The following ADGRB3 variants were observed in gnomAD, a reference collection of about 807,000 sequenced individuals.
ADGRB3 encodes the protein adhesion G protein-coupled receptor B3.
A neutral mutation model predicts 193.4 loss-of-function variants in ADGRB3; 37 were observed. The ratio of observed to expected loss-of-function variants is 0.19; its 90% CI spans 0.15 to 0.25. ADGRB3 has a LOEUF of 0.25. ADGRB3 is among the 10% of genes least tolerant of loss of function. The pLI is 1.00. For missense variants in ADGRB3, 1,637 were observed against 1,852.9 expected (o/e 0.88, Z 2.14); for synonymous variants, 690 against 644.2 (o/e 1.07, Z -1.08).
chr6:68,791,515 A>G (rs989424327), intron 3 of ADGRB3, among the ~76,000 whole-genome samples: 1 of 151,504 alleles, frequency 6.6e-6, no homozygotes, highest in East Asian at 1.9e-4. Flanking sequence ...TCCTCCTGGG[A>G]AAAAAAAATT....
chr6:68,873,083 T>C (rs2150220744), intron 3 of ADGRB3, among the ~76,000 whole-genome samples: 1 of 152,236 alleles, frequency 6.6e-6, no homozygotes, highest in South Asian at 2.1e-4. Context: ...TCTCTGTAAC[T>C]TAGCAATTGG....
chr6:69,123,634 C>A (rs902650353), intron 17 of ADGRB3, among the ~76,000 whole-genome samples: 6 of 152,022 alleles, frequency 3.9e-5, no homozygotes, highest in African/African-American at 1.4e-4. Context: ...AAGAATAAGG[C>A]AATTTTATAT....
chr6:69,079,299 A>C (rs772223086), intron 17 of ADGRB3, among the ~76,000 whole-genome samples: 2 of 152,110 alleles, frequency 1.3e-5, no homozygotes, highest in Non-Finnish European at 2.9e-5. Context: ...TTCTCACTTC[A>C]GACATAGGCT....
intron 20 of ADGRB3, among the ~76,000 whole-genome samples, chr6:69,256,432 T>C (rs1197042181): frequency 1.3e-5 from 2 of 152,154 alleles, no homozygotes; most frequent in African/African-American, 4.8e-5. Context: ...CCTTGTAAGG[T>C]GGATTCCTAG....
chr6:68,807,770 A>AT (rs933709088), intron 3 of ADGRB3, among the ~76,000 whole-genome samples: 3 of 151,974 alleles, frequency 2.0e-5, no homozygotes, highest in East Asian at 1.9e-4. Context: ...TACTTTTCTT[A>AT]TTTTTTTCTA....
At chr6:68,912,355 A>C (rs1766739666) in intron 3 of ADGRB3, among the ~76,000 whole-genome samples, 1 of 148,354 alleles carries the variant, frequency 6.7e-6, no homozygotes, top group African/African-American at 2.5e-5. Flanking sequence ...TTATTATTTT[A>C]TTTTATTTTA....
At chr6:69,369,381 T>C (rs1769657607) in intron 29 of ADGRB3, among the ~76,000 whole-genome samples, 1 of 152,100 alleles carries the variant, frequency 6.6e-6, no homozygotes, top group Admixed American at 6.6e-5. Flanking sequence ...ACACCATCAA[T>C]TTCCCAATGC....
intron 3 of ADGRB3, among the ~76,000 whole-genome samples, chr6:68,648,313 A>G (rs923613508): frequency 1.3e-5 from 2 of 152,136 alleles, no homozygotes. Context: ...ATGATGCCTG[A>G]GGCATGTTAT....
intron 3 of ADGRB3, among the ~76,000 whole-genome samples, chr6:68,927,845 T>C (rs2150245052): frequency 6.6e-6 from 1 of 152,226 alleles, no homozygotes; most frequent in South Asian, 2.1e-4. Flanking sequence ...TTTTTCAAAA[T>C]AATTTTTCAG....
At chr6:68,796,604 C>G (rs906843792) in intron 3 of ADGRB3, among the ~76,000 whole-genome samples, 4 of 152,168 alleles carry the variant, frequency 2.6e-5, no homozygotes, top group African/African-American at 9.6e-5. Context: ...CTTTGAGGTT[C>G]ACTGCCTAGG....
chr6:69,128,952 G>A (rs1484657833), intron 17 of ADGRB3, among the ~76,000 whole-genome samples: 1 of 152,140 alleles, frequency 6.6e-6, no homozygotes, highest in Admixed American at 6.5e-5. Context: ...TCAGGCAACC[G>A]ATAGACCAGT....
chr6:68,686,606 T>A (rs772894639), intron 3 of ADGRB3, among the ~76,000 whole-genome samples: 1 of 152,354 alleles, frequency 6.6e-6, no homozygotes, highest in Middle Eastern at 3.4e-3. Context: ...CAGTGGAGTT[T>A]GCTCAACTTT....
chr6:68,679,245 C>A (rs996655777), intron 3 of ADGRB3, among the ~76,000 whole-genome samples: 7 of 152,074 alleles, frequency 4.6e-5, no homozygotes, highest in Non-Finnish European at 1.0e-4. Context: ...CACAATAGAA[C>A]TTTATTTCTT....
At chr6:68,827,778 GC>G (rs1279524672) in intron 3 of ADGRB3, among the ~76,000 whole-genome samples, 1 of 152,012 alleles carries the variant, frequency 6.6e-6, no homozygotes, top group Non-Finnish European at 1.5e-5. Context: ...TGTTAGTGTA[GC>G]CCAAAAGGCC....
intron 17 of ADGRB3, among the ~76,000 whole-genome samples, chr6:69,147,986 TC>T (rs1184218124): frequency 6.6e-6 from 1 of 152,206 alleles, no homozygotes; most frequent in Non-Finnish European, 1.5e-5. Context: ...GCATGCAACA[TC>T]TTTTTCCATC....
chr6:69,065,801 A>ACACACACACACG (rs1771887596), intron 16 of ADGRB3, among the ~76,000 whole-genome samples: 1 of 147,892 alleles, frequency 6.8e-6, no homozygotes, highest in Non-Finnish European at 1.5e-5. Flanking sequence ...ACACACACAT[A>ACACACACACACG]TGTACATATA....
intron 3 of ADGRB3, among the ~76,000 whole-genome samples, chr6:68,722,885 C>A (rs1429436685): frequency 6.0e-5 from 9 of 151,158 alleles, no homozygotes; most frequent in African/African-American, 1.9e-4. Context: ...AACAAGCAAA[C>A]AAACAAACAA....
At chr6:69,304,930 A>G (rs1231253682) in intron 20 of ADGRB3, among the ~76,000 whole-genome samples, 10 of 151,548 alleles carry the variant, frequency 6.6e-5, no homozygotes, top group African/African-American at 1.5e-4. Context: ...ATTTTCAAAC[A>G]TTTAGGATGA....
At chr6:69,352,894 T>C (rs982470368) in intron 26 of ADGRB3, among the ~76,000 whole-genome samples, 4 of 152,260 alleles carry the variant, frequency 2.6e-5, no homozygotes, top group African/African-American at 9.6e-5. Context: ...TTAACCTTAT[T>C]AGTCCCTATA....
Sources: allele counts gnomAD v4.1 joint callset (sites outside exome capture counted in the v4.1 genomes callset), GRCh38; gene constraint gnomAD v4.1.1; transcripts MANE v1.5; gene names NCBI Gene and HGNC (gene_info 2026-07-23, HGNC 2026-07-21).